ZNF804B: variants seen among roughly 807,000 people sequenced by gnomAD.
The protein encoded by ZNF804B is zinc finger 804B.
Under a neutral mutation model 101.4 loss-of-function variants are expected in ZNF804B, and 80 were observed. The observed-to-expected ratio is 0.79, with a 90% CI of 0.66 to 0.95. The LOEUF (loss-of-function observed/expected upper bound fraction) is 0.95, where lower values mean the gene tolerates loss of function less well. Ranked by LOEUF, ZNF804B falls within the 40% of genes least tolerant of loss-of-function variation. The pLI is 0.00. For missense variants in ZNF804B, 1,673 were observed against 1,561.9 expected, an observed-to-expected ratio of 1.07 and a Z score of -1.20; for synonymous variants, 622 against 558.8, an observed-to-expected ratio of 1.11 and a Z score of -1.59.
At position 89,337,145 on chromosome 7, in the gene ZNF804B, A is replaced by T; in HGVS notation, c.*113A>T. On this transcript the variant is annotated 3_prime_UTR_variant, in exon 4 of 4. Coordinates refer to ENST00000333190, the MANE Select transcript of ZNF804B (RefSeq NM_181646.5). Reference sequence around the variant, plus strand: ...ATTTAAAATATTGCTGCCAATTCAAAATGTGACAAATATATAAATATGATC... The same window carrying T: ...ATTTAAAATATTGCTGCCAATTCAATATGTGACAAATATATAAATATGATC... 1 of 1,069,306 alleles carries T rather than the reference A, an allele frequency of 9.4e-7. No homozygotes were observed. The highest frequency in any genetic ancestry group is 1.3e-6 in the Non-Finnish European group (1 of 761,774). 66.2% of individuals were successfully genotyped at this position (1,069,306 alleles called of 1,614,324 possible).
chr7:88,781,331 G>A (rs890410883), intron 1 of ZNF804B, among the ~76,000 whole-genome samples: 2 of 152,172 alleles, frequency 1.3e-5, no homozygotes, highest in Admixed American at 6.5e-5. Context: ...GATATTAAGA[G>A]CAGCAGCAGA....
chr7:89,167,595 A>G (rs1255208519), intron 1 of ZNF804B, among the ~76,000 whole-genome samples: 3 of 152,306 alleles, frequency 2.0e-5, no homozygotes, highest in East Asian at 1.9e-4. Flanking sequence ...ACTTTCTATA[A>G]CGCTTTTAAA....
chr7:89,277,613 T>TCTTCC (rs1400464441), intron 2 of ZNF804B, among the ~76,000 whole-genome samples: 1 of 150,412 alleles, frequency 6.6e-6, no homozygotes, highest in East Asian at 2.0e-4. Flanking sequence ...GGTTTTTTGT[T>TCTTCC]CTTCCGATAC....
At chr7:89,325,278 C>T (rs534879642) in intron 2 of ZNF804B, among the ~76,000 whole-genome samples, 1 of 152,038 alleles carries the variant, frequency 6.6e-6, no homozygotes, top group South Asian at 2.1e-4. Context: ...TCTCTTCTTC[C>T]AGTTTTCTGT....
At chr7:89,073,403 A>G (rs1789570262) in intron 1 of ZNF804B, among the ~76,000 whole-genome samples, 1 of 152,158 alleles carries the variant, frequency 6.6e-6, no homozygotes, top group Non-Finnish European at 1.5e-5. Context: ...GTAGAAAGAA[A>G]TTATTCTATT....
At chr7:89,217,110 C>T (rs1788907621) in intron 1 of ZNF804B, among the ~76,000 whole-genome samples, 1 of 151,982 alleles carries the variant, frequency 6.6e-6, no homozygotes, top group Admixed American at 6.6e-5. Context: ...CTTCTTCCCT[C>T]AAAAAATTGG....
chr7:88,854,652 G>T (rs1454671345), intron 1 of ZNF804B, among the ~76,000 whole-genome samples: 2 of 140,942 alleles, frequency 1.4e-5, no homozygotes, highest in African/African-American at 5.4e-5. Flanking sequence ...TGTGCACAAC[G>T]TGCAGGTTAG....
intron 1 of ZNF804B, among the ~76,000 whole-genome samples, chr7:88,834,485 G>A (rs754378549): frequency 2.0e-5 from 3 of 151,696 alleles, no homozygotes; most frequent in Admixed American, 6.6e-5. Flanking sequence ...AATTGAAAAC[G>A]CACATGATAA....
At chr7:89,144,328 A>G (rs1268286776) in intron 1 of ZNF804B, among the ~76,000 whole-genome samples, 1 of 152,092 alleles carries the variant, frequency 6.6e-6, no homozygotes, top group African/African-American at 2.4e-5. Context: ...ATTTTATTTT[A>G]AAGTAATGAG....
In ZNF804B at chr7:88,996,487, T is replaced by C. The variant is rs150283609; in HGVS notation, c.109-221668T>C. 3.6e-3 allele frequency among the ~76,000 whole-genome samples: 545 copies of C among 152,238 alleles called. 1 individual carries two copies. Among genetic ancestry groups the C allele is most frequent in the South Asian group, 0.024 (117 of 4,832 alleles). On this transcript the variant is annotated intron_variant, in intron 1 of 3. Transcript: ENST00000333190. ...TGACACATCTTAATGAACAGATTTA[T>C]GGTTGTCTATCTTTCTCAAGAGGTT...
At chr7:89,009,477 C>T (rs773319377) in intron 1 of ZNF804B, among the ~76,000 whole-genome samples, 4 of 152,120 alleles carry the variant, frequency 2.6e-5, no homozygotes, top group Admixed American at 6.6e-5. Context: ...GAGCTTCTTT[C>T]GTGTCAACCT....
intron 1 of ZNF804B, among the ~76,000 whole-genome samples, chr7:88,942,944 G>T (rs1363694575): frequency 2.0e-5 from 3 of 151,796 alleles, no homozygotes; most frequent in African/African-American, 4.8e-5. Flanking sequence ...AATGCAAAAA[G>T]GTTTATTAAT....
intron 1 of ZNF804B, among the ~76,000 whole-genome samples, chr7:88,982,475 G>A (rs1326738379): frequency 1.3e-5 from 2 of 152,036 alleles, no homozygotes; most frequent in Non-Finnish European, 2.9e-5. Context: ...TCCATGATTA[G>A]GGCATTGGAA....
chr7:89,305,513 T>C (rs1160359397), intron 2 of ZNF804B, among the ~76,000 whole-genome samples: 3 of 151,988 alleles, frequency 2.0e-5, no homozygotes, highest in Non-Finnish European at 2.9e-5. Context: ...TTAGGTGTTC[T>C]TCCTCAACAT....
At chr7:88,875,388 A>T (rs1282384458) in intron 1 of ZNF804B, among the ~76,000 whole-genome samples, 1 of 152,166 alleles carries the variant, frequency 6.6e-6, no homozygotes, top group Admixed American at 6.5e-5. Flanking sequence ...TTTTGAAAGG[A>T]TCAACAAAAT....
chr7:89,259,649 A>T (rs373312814), intron 2 of ZNF804B, among the ~76,000 whole-genome samples: 16 of 152,130 alleles, frequency 1.1e-4, no homozygotes, highest in African/African-American at 3.6e-4. Context: ...ATTGCCTTCA[A>T]TGTTGAGCTC....
At chr7:89,044,443 A>T (rs962803235) in intron 1 of ZNF804B, among the ~76,000 whole-genome samples, 1 of 152,198 alleles carries the variant, frequency 6.6e-6, no homozygotes, top group Non-Finnish European at 1.5e-5. Context: ...GATACCCAAA[A>T]ATGTAGAAGA....
chr7:88,991,656 G>A (rs1178043761), intron 1 of ZNF804B, among the ~76,000 whole-genome samples: 1 of 152,168 alleles, frequency 6.6e-6, no homozygotes, highest in East Asian at 1.9e-4. Flanking sequence ...TGCTGGAGCA[G>A]TCATAGAGCA....
At chr7:88,965,030 C>G (rs1404654368) in intron 1 of ZNF804B, among the ~76,000 whole-genome samples, 1 of 151,334 alleles carries the variant, frequency 6.6e-6, no homozygotes, top group African/African-American at 2.4e-5. Context: ...GGTGCCAATA[C>G]TTGAAAAGAA....
Sources: gnomAD v4.1 joint callset for allele counts (sites outside exome capture counted in the v4.1 genomes callset) on GRCh38, gnomAD v4.1.1 for gene constraint, MANE v1.5 for transcripts, NCBI Gene and HGNC (gene_info 2026-07-23, HGNC 2026-07-21) for gene names.